The following RORA variants were observed in gnomAD, a reference collection of about 807,000 sequenced individuals.
RORA encodes the protein RAR related orphan receptor A.
A neutral mutation model predicts 69.5 loss-of-function variants in RORA; 7 were observed. That is an observed-to-expected ratio of 0.10 (90% CI 0.06 to 0.19). The LOEUF (loss-of-function observed/expected upper bound fraction) is 0.19. RORA is among the 10% of genes least tolerant of loss of function. The pLI is 1.00. For synonymous variants in RORA, 261 were observed against 240.8 expected (o/e 1.08, Z -0.78); for missense variants, 457 against 663.0 (o/e 0.69, Z 3.41).
At chr15:60,505,905 AG>A (rs1359036989) in intron 5 of RORA, among the ~76,000 whole-genome samples, 3 of 152,166 alleles carry the variant, frequency 2.0e-5, no homozygotes, top group Non-Finnish European at 4.4e-5. Flanking sequence ...ACCAATGTCT[AG>A]GAATGAAAAA....
chr15:60,557,543 CTGGGATGGAGGCA>C (rs1436110853), intron 2 of RORA, among the ~76,000 whole-genome samples: 1 of 152,200 alleles, frequency 6.6e-6, no homozygotes, highest in Non-Finnish European at 1.5e-5. Flanking sequence ...GTTATAAACT[CTGGGATGGAGGCA>C]TTATAAACAT....
At chr15:60,701,159 C>A (rs570996923) in intron 1 of RORA, among the ~76,000 whole-genome samples, 166 of 152,346 alleles carry the variant, frequency 1.1e-3, no homozygotes, top group Non-Finnish European at 2.1e-3. Flanking sequence ...TATAGAACAT[C>A]ACTCCTTCCA....
At chr15:61,163,798 C>G (rs929550014) in intron 1 of RORA, among the ~76,000 whole-genome samples, 1 of 152,170 alleles carries the variant, frequency 6.6e-6, no homozygotes, top group Non-Finnish European at 1.5e-5. Flanking sequence ...TCACTGAGAG[C>G]CTTTTACACA....
At chr15:61,185,760 C>T (rs201228601) in intron 1 of RORA, among the ~76,000 whole-genome samples, 1 of 152,180 alleles carries the variant, frequency 6.6e-6, no homozygotes, top group Non-Finnish European at 1.5e-5. Flanking sequence ...GCACCTCAGG[C>T]CCAGCCTAAT....
intron 2 of RORA, among the ~76,000 whole-genome samples, chr15:60,555,944 T>C (rs2067345748): frequency 6.6e-6 from 1 of 152,180 alleles, no homozygotes; most frequent in African/African-American, 2.4e-5. Flanking sequence ...CTGATATTTG[T>C]AAGTGAATCT....
At chr15:60,608,002 C>T (rs1274135484) in intron 2 of RORA, among the ~76,000 whole-genome samples, 1 of 152,182 alleles carries the variant, frequency 6.6e-6, no homozygotes, top group Non-Finnish European at 1.5e-5. Flanking sequence ...AAACTGCTAG[C>T]CTGTTTCCAA....
intron 1 of RORA, among the ~76,000 whole-genome samples, chr15:60,717,788 C>A (rs370676215): frequency 4.2e-5 from 5 of 119,470 alleles, no homozygotes; most frequent in Non-Finnish European, 6.9e-5. Context: ...TTTCTTTTTT[C>A]TTTTTCTCTT....
At chr15:60,758,388 G>A (rs1055691914) in intron 1 of RORA, among the ~76,000 whole-genome samples, 31 of 152,154 alleles carry the variant, frequency 2.0e-4, no homozygotes, top group African/African-American at 7.0e-4. Context: ...CAAGTTACAC[G>A]TTTTGGCCAA....
intron 2 of RORA, chr15:60,630,560 T>A (rs377522164): frequency 3.3e-5 from 5 of 152,338 alleles, no homozygotes; most frequent in African/African-American, 9.6e-5. Context: ...CAACCAACCA[T>A]CTTCTGACAA....
At chr15:61,203,783 G>A (rs726955) in intron 1 of RORA, among the ~76,000 whole-genome samples, 28,426 of 152,062 alleles carry the variant, frequency 0.19, 3,271 homozygotes, top group Non-Finnish European at 0.25. Flanking sequence ...CAAAGAAAGA[G>A]AAAATCTTAA....
chr15:60,660,710 C>T lies in RORA; in HGVS notation c.196+17947G>A, dbSNP rs188551988. 1.1e-4 allele frequency among the ~76,000 whole-genome samples: 17 copies of T among 152,086 alleles called. 2 individuals carry two copies. The highest frequency in any genetic ancestry group is 3.6e-4 in the African/African-American group (15 of 41,482). On this transcript the variant is annotated intron_variant, in intron 2 of 10. Coordinates refer to ENST00000335670, the MANE Select transcript of RORA (RefSeq NM_134261.3). ...CTGCTGTGACTCATAACCAGAAATA[C>T]TGTTTTATAACACCAGTCTGTGTTT...
chr15:61,056,879 C>A (rs1302218561), intron 1 of RORA, among the ~76,000 whole-genome samples: 2 of 152,324 alleles, frequency 1.3e-5, no homozygotes, highest in East Asian at 3.9e-4. Context: ...GGGCTTCTCA[C>A]AGTATTTGGC....
intron 1 of RORA, among the ~76,000 whole-genome samples, chr15:61,189,856 CA>C (rs71125907): frequency 1.6e-3 from 69 of 42,882 alleles, no homozygotes; most frequent in African/African-American, 7.0e-3. Flanking sequence ...GACTCTGTCT[CA>C]AAAAAAAAAA....
At chr15:60,562,929 C>A (rs946858760) in intron 2 of RORA, among the ~76,000 whole-genome samples, 1 of 152,126 alleles carries the variant, frequency 6.6e-6, no homozygotes, top group Non-Finnish European at 1.5e-5. Flanking sequence ...TAGAAACTGC[C>A]TCTTATTTCT....
chr15:60,973,616 G>A (rs1434278395), intron 1 of RORA, among the ~76,000 whole-genome samples: 1 of 152,152 alleles, frequency 6.6e-6, no homozygotes, highest in African/African-American at 2.4e-5. Flanking sequence ...TCTGACAAAC[G>A]GCACATCCCA....
intron 1 of RORA, among the ~76,000 whole-genome samples, chr15:60,763,065 A>ATTTTTTTTTTTTTTTTTTTTTTTTTTTTT (rs374433414): frequency 2.1e-5 from 1 of 48,372 alleles, no homozygotes; most frequent in Non-Finnish European, 3.9e-5. Flanking sequence ...ATATGCACAG[A>ATTTTTTTTTTTTTTTTTTTTTTTTTTTTT]TTTTTTTTTT....
At chr15:61,129,912 GGTTTCC>G (rs1459688001) in intron 1 of RORA, among the ~76,000 whole-genome samples, 1 of 152,130 alleles carries the variant, frequency 6.6e-6, no homozygotes, top group Non-Finnish European at 1.5e-5. Flanking sequence ...CAGTAAACAG[GGTTTCC>G]AATGTATTCC....
chr15:61,115,579 C>T (rs557323425), intron 1 of RORA, among the ~76,000 whole-genome samples: 58 of 152,252 alleles, frequency 3.8e-4, no homozygotes, highest in Non-Finnish European at 6.5e-4. Flanking sequence ...GGCTCATTTT[C>T]CCTCATAAGG....
chr15:60,868,939 C>T lies in RORA; in HGVS notation c.167-190253G>A, dbSNP rs2073521640. The stretch of plus-strand genomic sequence containing the variant: ...CAGGTTGGCAACCTGATTATTTCCA[C>T]TAGGCACAGACAGTACACTTCAAAC... On this transcript the variant is annotated intron_variant, in intron 1 of 10. Coordinates refer to ENST00000335670, the MANE Select transcript of RORA (RefSeq NM_134261.3). Among the ~76,000 whole-genome samples the T allele has an allele frequency of 2.6e-5, 4 of 152,288 alleles. No homozygotes were observed. The South Asian group carries it at 8.3e-4, about 32-fold the overall frequency.
Sources: gnomAD v4.1 joint callset for allele counts (sites outside exome capture counted in the v4.1 genomes callset) on GRCh38, gnomAD v4.1.1 for gene constraint, MANE v1.5 for transcripts, NCBI Gene and HGNC (gene_info 2026-07-23, HGNC 2026-07-21) for gene names.